The following LRRC4C variants were observed in gnomAD, a reference collection of about 807,000 sequenced individuals.
LRRC4C encodes leucine rich repeat containing 4C, also known as leucine-rich repeat-containing protein 4C.
LRRC4C carries 5 observed loss-of-function variants against 33.6 expected under a neutral mutation model. The ratio of observed to expected loss-of-function variants is 0.15; its 90% confidence interval spans 0.08 to 0.31. The LOEUF is 0.31. Among genes scored for constraint, LRRC4C ranks in the 10% least tolerant of loss-of-function variants. The pLI, the probability that LRRC4C is intolerant of heterozygous loss-of-function variation, is 1.00. For missense variants in LRRC4C, 560 were observed against 796.7 expected (o/e 0.70, Z 3.58); for synonymous variants, 329 against 302.0 (o/e 1.09, Z -0.93).
At chr11:41,345,319 G>A (rs1177288498) in intron 1 of LRRC4C, among the ~76,000 whole-genome samples, 3 of 152,100 alleles carry the variant, frequency 2.0e-5, no homozygotes, top group African/African-American at 7.2e-5. Context: ...TGGTAGCAGA[G>A]GTGAAGGTTA....
intron 3 of LRRC4C, among the ~76,000 whole-genome samples, chr11:40,461,892 T>C (rs991793028): frequency 6.6e-6 from 1 of 151,448 alleles, no homozygotes; most frequent in Non-Finnish European, 1.5e-5. Context: ...ATAATAAGCA[T>C]AGTTATAAAT....
intron 3 of LRRC4C, among the ~76,000 whole-genome samples, chr11:40,505,520 G>A (rs1013452415): frequency 1.3e-5 from 2 of 152,142 alleles, no homozygotes; most frequent in African/African-American, 4.8e-5. Flanking sequence ...TGTAAACTTT[G>A]AGAATGAACA....
intron 1 of LRRC4C, among the ~76,000 whole-genome samples, chr11:41,172,990 A>G (rs1012069730): frequency 6.6e-6 from 1 of 152,136 alleles, no homozygotes; most frequent in Non-Finnish European, 1.5e-5. Flanking sequence ...TCCCCCAGTT[A>G]GTTAGTGACA....
chr11:40,608,939 G>A (rs1291256228), intron 3 of LRRC4C, among the ~76,000 whole-genome samples: 2 of 151,998 alleles, frequency 1.3e-5, no homozygotes, highest in South Asian at 2.1e-4. Context: ...AATCATTGAC[G>A]GAACTGACAG....
intron 1 of LRRC4C, among the ~76,000 whole-genome samples, chr11:41,427,859 C>A (rs1955095109): frequency 6.6e-6 from 1 of 152,088 alleles, no homozygotes; most frequent in African/African-American, 2.4e-5. Flanking sequence ...GATGACATTA[C>A]CTTGTGAAAT....
At chr11:40,659,951 T>C (rs992076200) in intron 2 of LRRC4C, among the ~76,000 whole-genome samples, 1 of 152,192 alleles carries the variant, frequency 6.6e-6, no homozygotes, top group African/African-American at 2.4e-5. Flanking sequence ...GGCTGAAACA[T>C]ACCCCCCTGC....
intron 2 of LRRC4C, among the ~76,000 whole-genome samples, chr11:40,817,531 G>A (rs1320203621): frequency 3.3e-5 from 5 of 152,124 alleles, no homozygotes; most frequent in Admixed American, 6.6e-5. Flanking sequence ...ATGGTTTAGT[G>A]AGAACATGTT....
At chr11:40,917,706 A>C (rs1303867666) in intron 2 of LRRC4C, among the ~76,000 whole-genome samples, 1 of 152,138 alleles carries the variant, frequency 6.6e-6, no homozygotes, top group Non-Finnish European at 1.5e-5. Flanking sequence ...AAACTACTTA[A>C]TGTGATTTTT....
At chr11:41,199,196 G>A (rs1424726538) in intron 1 of LRRC4C, among the ~76,000 whole-genome samples, 1 of 151,988 alleles carries the variant, frequency 6.6e-6, no homozygotes, top group Non-Finnish European at 1.5e-5. Flanking sequence ...TAGTTCAAGG[G>A]GTGAGTATTC....
rs533862639 is a variant in LRRC4C at position 41,369,107 on chromosome 11, G to A, written c.-496+90324C>T. The stretch of plus-strand genomic sequence containing the variant: ...GTCAAGCACCAATCATATGTTAAAC[G>A]AAAAATCTAAGTGCTGGAAAAAAAA... On this transcript the variant is annotated intron_variant, in intron 1 of 6. Coordinates refer to ENST00000528697, the MANE Select transcript of LRRC4C (RefSeq NM_001258419.2). 6.6e-5 allele frequency among the ~76,000 whole-genome samples: 10 copies of A among 152,018 alleles called. No homozygotes were observed. In the South Asian group the frequency reaches 1.7e-3, roughly 25 times the overall value.
At chr11:40,568,120 G>A (rs1372508268) in intron 3 of LRRC4C, among the ~76,000 whole-genome samples, 1 of 152,194 alleles carries the variant, frequency 6.6e-6, no homozygotes, top group Non-Finnish European at 1.5e-5. Context: ...GTGATGGAAT[G>A]TCACTTTTGA....
At chr11:41,196,133 T>C (rs551580552) in intron 1 of LRRC4C, among the ~76,000 whole-genome samples, 1 of 152,238 alleles carries the variant, frequency 6.6e-6, no homozygotes, top group South Asian at 2.1e-4. Flanking sequence ...ATTTCCAAAA[T>C]GTAGTACTGT....
intron 2 of LRRC4C, among the ~76,000 whole-genome samples, chr11:40,809,504 C>A (rs976278546): frequency 6.6e-6 from 1 of 152,050 alleles, no homozygotes; most frequent in Non-Finnish European, 1.5e-5. Flanking sequence ...TGTGTCCTAC[C>A]TATATCCCTC....
chr11:40,952,334 G>C (rs1958732219), intron 1 of LRRC4C, among the ~76,000 whole-genome samples: 1 of 151,796 alleles, frequency 6.6e-6, no homozygotes, highest in Non-Finnish European at 1.5e-5. Context: ...GAAGCAGGTT[G>C]GCTGGCTTCG....
chr11:40,492,503 G>T (rs1954211147), intron 3 of LRRC4C, among the ~76,000 whole-genome samples: 1 of 151,940 alleles, frequency 6.6e-6, no homozygotes, highest in Non-Finnish European at 1.5e-5. Context: ...ATTTTCCCTA[G>T]TATCTAAGCC....
intron 2 of LRRC4C, among the ~76,000 whole-genome samples, chr11:40,930,857 ATTTATG>A (rs1957587770): frequency 6.6e-6 from 1 of 152,192 alleles, no homozygotes; most frequent in South Asian, 2.1e-4. Context: ...TTCATAAATT[ATTTATG>A]TTTATGTGAA....
At chr11:40,694,542 A>T (rs189607854) in intron 2 of LRRC4C, among the ~76,000 whole-genome samples, 1 of 152,184 alleles carries the variant, frequency 6.6e-6, no homozygotes, top group Admixed American at 6.6e-5. Flanking sequence ...TTATACACTC[A>T]TAATGTATTT....
At chr11:40,636,940 GC>G in intron 3 of LRRC4C, among the ~76,000 whole-genome samples, 1 of 152,238 alleles carries the variant, frequency 6.6e-6, no homozygotes, top group Non-Finnish European at 1.5e-5. Context: ...TCCTCTGATG[GC>G]CCTTCAAGAT....
chr11:40,858,689 TCTTA>T (rs1055406604), intron 2 of LRRC4C, among the ~76,000 whole-genome samples: 1 of 122,320 alleles, frequency 8.2e-6, no homozygotes, highest in African/African-American at 3.7e-5. Context: ...TGAGACTCCT[TCTTA>T]AAAAAAAAAA....
Sources: gnomAD v4.1 joint callset for allele counts (sites outside exome capture counted in the v4.1 genomes callset) on GRCh38, gnomAD v4.1.1 for gene constraint, MANE v1.5 for transcripts, NCBI Gene and HGNC (gene_info 2026-07-23, HGNC 2026-07-21) for gene names.